The following PRAME variants were observed in gnomAD, a reference collection of about 807,000 sequenced individuals.
PRAME encodes PRAME nuclear receptor transcriptional regulator, also known as melanoma antigen preferentially expressed in tumors.
In PRAME, 21 loss-of-function variants were observed where a neutral mutation model predicts 32.1. The ratio of observed to expected loss-of-function variants is 0.65; its 90% CI spans 0.46 to 0.94. The LOEUF is 0.94. Among genes scored for constraint, PRAME ranks in the 40% least tolerant of loss-of-function variants. The pLI, the probability that PRAME is intolerant of heterozygous loss-of-function variation, is 0.00. For missense variants in PRAME, 651 were observed against 622.3 expected (o/e 1.05, Z -0.49); for synonymous variants, 274 against 251.5 (o/e 1.09, Z -0.85).
intron 4 of PRAME, 77 bp from the exon 5 acceptor site, chr22:22,550,411 T>C (rs775594478): frequency 8.9e-5 from 136 of 1,527,078 alleles, no homozygotes; most frequent in Non-Finnish European, 1.2e-4. Flanking sequence ...TCTCATAATG[T>C]AGGTAAGAAC....
At position 22,547,994 on chromosome 22, in the gene PRAME, G is replaced by T; in HGVS notation, c.*73C>A. On this transcript the variant is annotated 3_prime_UTR_variant, in exon 6 of 6. Coordinates refer to ENST00000405655, the MANE Select transcript of PRAME (RefSeq NM_206956.3). Reference sequence around the variant, plus strand: ...TGTCTGAAACTGTGGCTGCTTTGTTGCTTCAAGATGCATGCACATCCTGGC... The same window carrying T: ...TGTCTGAAACTGTGGCTGCTTTGTTTCTTCAAGATGCATGCACATCCTGGC... The T allele has an allele frequency of 1.4e-6, 2 of 1,441,730 alleles. No homozygotes were observed. The highest frequency in any genetic ancestry group is 1.3e-5 in the South Asian group (1 of 74,330). The allele number at this position is 1,441,730 out of a possible 1,614,324, so 89.3% of individuals were successfully genotyped here.
intron 3 of PRAME, chr22:22,555,986 CATTAAG>C: frequency 2.5e-6 from 1 of 397,744 alleles, no homozygotes; most frequent in Non-Finnish European, 5.1e-6. Flanking sequence ...GTCCACAATG[CATTAAG>C]ATTTTTTTTT....
chr22:22,550,654 C>A (rs919979114), intron 4 of PRAME, 113 bp downstream of exon 4: 12 of 1,261,030 alleles, frequency 9.5e-6, no homozygotes, highest in Non-Finnish European at 1.3e-5. Context: ...AACTTCCTTG[C>A]TGGCAACCAT....
Position 22,549,989 on chromosome 22 carries a change from C to T in PRAME, c.690G>A (p.Val230=). 5 of 1,613,910 alleles carry T rather than the reference C, an allele frequency of 3.1e-6. No homozygotes were observed. Among genetic ancestry groups the T allele is most frequent in the Non-Finnish European group, 4.2e-6 (5 of 1,179,986 alleles). ...CCAAATCTTCAATAGAGTCCAGCTG[C>T]ACCATTTTCAGGATCATCTTGATAT... ...MQDIKMILKM[V]QLDSIEDLEV... The change falls in exon 5 of 6, where the codon GTG becomes GTA. Residue 230 remains valine, a synonymous_variant. Transcript: ENST00000405655.
chr22:22,547,966 AT>A lies in PRAME; in HGVS notation c.*100del. The A allele has an allele frequency of 1.6e-6, 2 of 1,275,660 alleles. No homozygotes were observed. Among genetic ancestry groups the A allele is most frequent in the Non-Finnish European group, 2.2e-6 (2 of 914,550 alleles). 79.0% of individuals were successfully genotyped at this position (1,275,660 alleles called of 1,614,324 possible). A position where few individuals can be genotyped will look rare whatever the true frequency, so the allele number is the denominator to read the frequency against. On this transcript the variant is annotated 3_prime_UTR_variant, in exon 6 of 6. Coordinates refer to ENST00000405655, the MANE Select transcript of PRAME (RefSeq NM_206956.3). ...CATGTTTTCCTCACTCACACTGAACATTTGTCTGAAACTGTGGCTGCTTTGT... is the reference window on the plus strand; with the variant it reads ...CATGTTTTCCTCACTCACACTGAACATTGTCTGAAACTGTGGCTGCTTTGT...
chr22:22,548,354 C>G lies in PRAME; in HGVS notation c.1243G>C (p.Gly415Arg). Residue 415 changes from glycine to arginine, a missense_variant, in exon 6 of 6, where the codon GGG becomes CGG. Physicochemically the swap from Gly to Arg is moderately radical, Grantham distance 125 (BLOSUM62 -2). Coordinates refer to ENST00000405655, the MANE Select transcript of PRAME (RefSeq NM_206956.3). ...CSQLTTLSFY[G>R]NSISISALQS... ...AGGGCAGATATGGAGATGGAATTCCCGTAGAAGCTTAAGGTCGTAAGCTGG... is the reference window on the plus strand; with the variant it reads ...AGGGCAGATATGGAGATGGAATTCCGGTAGAAGCTTAAGGTCGTAAGCTGG... 6.2e-7 allele frequency: 1 copy of G among 1,613,516 alleles called. No homozygotes were observed. Among genetic ancestry groups the G allele is most frequent in the South Asian group, 1.1e-5 (1 of 91,066 alleles).
At chr22:22,553,117 A>T (rs1202885341) in intron 3 of PRAME, among the ~76,000 whole-genome samples, 1 of 151,978 alleles carries the variant, frequency 6.6e-6, no homozygotes, top group Non-Finnish European at 1.5e-5. Flanking sequence ...CTGTTAGGGG[A>T]ATTTTTGGCC....
At chr22:22,558,539 T>G (rs911971262) in intron 1 of PRAME, among the ~76,000 whole-genome samples, 219 of 27,472 alleles carry the variant, frequency 8.0e-3, no homozygotes, top group Admixed American at 0.02. Context: ...GGGGAGGGGG[T>G]GGGGATGTGG....
In PRAME at chr22:22,555,678, T is replaced by A. The variant is rs576887945; in HGVS notation, c.21+1134A>T. On this transcript the variant is annotated intron_variant, in intron 3 of 5. Coordinates refer to ENST00000405655, the MANE Select transcript of PRAME (RefSeq NM_206956.3). ...GGATACCAACAGCACCCGAGCACGG[T>A]CCCACAGTCCAACGCACTGTGCCGT... is the stretch of plus-strand genomic sequence containing the variant. Among the ~76,000 whole-genome samples the A allele has an allele frequency of 3.3e-5, 5 of 151,986 alleles. No homozygotes were observed. The East Asian group carries it at 9.9e-4, about 30-fold the overall frequency.
intron 3 of PRAME, among the ~76,000 whole-genome samples, chr22:22,555,166 C>T (rs2062833656): frequency 6.6e-6 from 1 of 151,998 alleles, no homozygotes; most frequent in African/African-American, 2.4e-5. Flanking sequence ...TTGTGGGCTG[C>T]ACAGGCCAGA....
At chr22:22,558,668 ATG>A (rs2063145239) in intron 1 of PRAME, among the ~76,000 whole-genome samples, 1 of 119,382 alleles carries the variant, frequency 8.4e-6, no homozygotes, top group Non-Finnish European at 1.7e-5. Flanking sequence ...CGGTGGGCGA[ATG>A]GAGAGGCAGT....
chr22:22,550,458 C>T (rs2062501159), intron 4 of PRAME, 124 bp from the exon 5 acceptor site: 3 of 1,311,622 alleles, frequency 2.3e-6, no homozygotes, highest in Admixed American at 2.3e-5. Flanking sequence ...ACTTTTACTT[C>T]GTACTTCAGG....
At chr22:22,558,777 G>A (rs1166644726) in intron 1 of PRAME, among the ~76,000 whole-genome samples, 194 bp downstream of exon 1, 3 of 151,364 alleles carry the variant, frequency 2.0e-5, no homozygotes, top group Non-Finnish European at 4.4e-5. Flanking sequence ...TGCTTCTGGC[G>A]ACCTCCCTTT....
intron 4 of PRAME, among the ~76,000 whole-genome samples, chr22:22,550,550 A>G (rs1033851804): frequency 1.4e-4 from 21 of 151,892 alleles, no homozygotes; most frequent in Non-Finnish European, 2.8e-4. Flanking sequence ...AAGCAGGTGC[A>G]TGTTCCTTCA....
chr22:22,548,524 C>A lies in PRAME; in HGVS notation c.1073G>T (p.Gly358Val). The A allele has an allele frequency of 6.2e-7, 1 of 1,613,652 alleles. No individual in the cohort carries two copies. The highest frequency in any genetic ancestry group is 1.1e-5 in the South Asian group (1 of 91,058). The change falls in exon 6 of 6, where the codon GGG (glycine) becomes GTG (valine). Residue 358 changes from glycine to valine, a missense_variant. Transcript: ENST00000405655. ...VSQLSVLSLS[G>V]VMLTDVSPEP... Reference sequence around the variant, plus strand: ...GGGACTTACATCGGTCAGCATGACCCCACTTAGACTCAGGACACTTAGCTG... The same window carrying A: ...GGGACTTACATCGGTCAGCATGACCACACTTAGACTCAGGACACTTAGCTG...
chr22:22,552,156 C>T (rs1245286882), intron 3 of PRAME, among the ~76,000 whole-genome samples: 2 of 148,636 alleles, frequency 1.3e-5, no homozygotes, highest in African/African-American at 4.9e-5. Flanking sequence ...AAGAAAATGT[C>T]TTTAATTCCA....
intron 3 of PRAME, among the ~76,000 whole-genome samples, chr22:22,552,129 A>G (rs568193228): frequency 6.6e-6 from 1 of 151,272 alleles, no homozygotes; most frequent in South Asian, 2.1e-4. Flanking sequence ...TTAAAAAAAA[A>G]AAAAAGAAAA....
At position 22,553,440 on chromosome 22, in the gene PRAME, G is replaced by GT. The variant is rs564537534; in HGVS notation, c.22-2352dup. On this transcript the variant is annotated intron_variant, in intron 3 of 5. Coordinates refer to ENST00000405655, the MANE Select transcript of PRAME (RefSeq NM_206956.3). ...AGTGGATTACCACAAAGACAGATAGGTTTTTTTGGGGGCGGAATTGAAAGA... is the reference window on the plus strand; with the variant it reads ...AGTGGATTACCACAAAGACAGATAGGTTTTTTTTGGGGGCGGAATTGAAAGA... Among the ~76,000 whole-genome samples the GT allele has an allele frequency of 5.3e-3, 810 of 152,034 alleles. 10 individuals carry two copies. The South Asian group carries it at 0.054, about 10-fold the overall frequency.
rs778404661 is a variant in PRAME at position 22,550,924 on chromosome 22, C to T, written c.187G>A (p.Gly63Arg). The T allele has an allele frequency of 2.5e-6, 4 of 1,613,884 alleles. No homozygotes were observed. Among genetic ancestry groups the T allele is most frequent in the Non-Finnish European group, 1.7e-6 (2 of 1,179,968 alleles). Residue 63 changes from glycine (G) to arginine (R), a missense_variant, in exon 4 of 6, where the codon GGG becomes AGG. Transcript: ENST00000405655. ...GCCTTCAGGGTCTGGCTGTGTCTCC[C>T]GTCAAAGGCTGCCATGAAGAGTGGC... is the stretch of plus-strand genomic sequence containing the variant. ...FPPLFMAAFD[G>R]RHSQTLKAMV...
Sources: gnomAD v4.1 joint callset for allele counts (sites outside exome capture counted in the v4.1 genomes callset) on GRCh38, gnomAD v4.1.1 for gene constraint, MANE v1.5 for transcripts, NCBI Gene and HGNC (gene_info 2026-07-23, HGNC 2026-07-21) for gene names.